The following PRKCE variants were observed in gnomAD, a reference collection of about 807,000 sequenced individuals.
PRKCE encodes protein kinase C epsilon type.
Under a neutral mutation model 85.4 loss-of-function variants are expected in PRKCE, and 16 were observed. The observed-to-expected ratio is 0.19, with a 90% CI of 0.13 to 0.28. The LOEUF (loss-of-function observed/expected upper bound fraction) is 0.28, where lower values mean the gene tolerates loss of function less well. Among genes scored for constraint, PRKCE ranks in the 10% least tolerant of loss-of-function variants. The pLI is 1.00. For missense variants in PRKCE, 573 were observed against 975.2 expected (o/e 0.59, Z 5.49); for synonymous variants, 388 against 371.5 (o/e 1.04, Z -0.51).
rs189049856 is a variant in PRKCE at position 46,119,078 on chromosome 2, G to A, written c.1593-26015G>A. On this transcript the variant is annotated intron_variant, in intron 11 of 14. Transcript: ENST00000306156. ...CTCCTTGGAACCATGGAGTCAACAC[G>A]ATAAAATTAGCAGAGCTAAGTAGGC... 2.6e-4 allele frequency among the ~76,000 whole-genome samples: 39 copies of A among 152,270 alleles called. No individual in the cohort carries two copies. The East Asian group carries it at 5.2e-3, about 20-fold the overall frequency.
chr2:45,766,871 C>G (rs6724210), intron 1 of PRKCE, among the ~76,000 whole-genome samples: 1 of 151,878 alleles, frequency 6.6e-6, no homozygotes, highest in African/African-American at 2.4e-5. Context: ...GAAACCCCAT[C>G]TCTACTAAAA....
chr2:46,001,311 A>T lies in PRKCE; in HGVS notation c.824-93A>T, dbSNP rs1028975048. 3 of 1,168,004 alleles carry T rather than the reference A, an allele frequency of 2.6e-6. No individual in the cohort carries two copies. The highest frequency in any genetic ancestry group is 3.4e-6 in the Non-Finnish European group (3 of 877,110). 72.4% of individuals were successfully genotyped at this position (1,168,004 alleles called of 1,614,324 possible). ...AAATTATATCTTAAATGAACATGTA[A>T]TACTTCATGAACATATAATACAATC... On this transcript the variant is annotated intron_variant, in intron 6 of 14. Transcript: ENST00000306156. The surrounding 1 kb of genome is among the most constrained non-coding windows in gnomAD (Gnocchi z 4.4).
chr2:45,938,755 A>G (rs916479368), intron 2 of PRKCE, among the ~76,000 whole-genome samples: 2 of 152,200 alleles, frequency 1.3e-5, no homozygotes, highest in African/African-American at 4.8e-5. Context: ...GCTTAAATTG[A>G]GAAAGCTTAT....
chr2:45,707,542 G>A (rs1313678038), intron 1 of PRKCE, among the ~76,000 whole-genome samples: 2 of 152,208 alleles, frequency 1.3e-5, no homozygotes, highest in Admixed American at 6.5e-5. Flanking sequence ...AAGCAGACTC[G>A]AAGCTGGTCC....
At chr2:45,902,922 T>G (rs1266311468) in intron 2 of PRKCE, among the ~76,000 whole-genome samples, 1 of 152,202 alleles carries the variant, frequency 6.6e-6, no homozygotes, top group East Asian at 1.9e-4. Context: ...ACTCAGGCCT[T>G]TGTATGCTGA....
chr2:45,874,623 T>C (rs758741395), intron 2 of PRKCE, among the ~76,000 whole-genome samples: 8 of 152,174 alleles, frequency 5.3e-5, no homozygotes, highest in Admixed American at 2.0e-4. Flanking sequence ...GTGTCAAATA[T>C]CCAGCTCAGG....
At chr2:45,997,350 G>C (rs896699007) in intron 6 of PRKCE, among the ~76,000 whole-genome samples, 1 of 151,570 alleles carries the variant, frequency 6.6e-6, no homozygotes, top group African/African-American at 2.4e-5. Context: ...CTTTTCTCCT[G>C]CTTACTTTGG....
At chr2:46,169,020 C>T (rs1678623601) in intron 14 of PRKCE, among the ~76,000 whole-genome samples, 1 of 152,212 alleles carries the variant, frequency 6.6e-6, no homozygotes, top group Non-Finnish European at 1.5e-5. Context: ...CCTCAACCCT[C>T]CCTCACAGAG....
At chr2:45,734,474 C>CG (rs1328311003) in intron 1 of PRKCE, among the ~76,000 whole-genome samples, 5 of 151,934 alleles carry the variant, frequency 3.3e-5, no homozygotes, top group East Asian at 1.9e-4. Context: ...TCCATGTAAA[C>CG]GGGGGGGTTG....
rs1699029254 is a variant in PRKCE at position 45,931,325 on chromosome 2, C to T, written c.413-45104C>T. 1.3e-5 allele frequency among the ~76,000 whole-genome samples: 2 copies of T among 152,206 alleles called. 1 individual carries two copies. The highest frequency in any genetic ancestry group is 4.1e-4 in the South Asian group (2 of 4,834). On this transcript the variant is annotated intron_variant, in intron 2 of 14. Coordinates refer to ENST00000306156, the MANE Select transcript of PRKCE (RefSeq NM_005400.3). ...ATGCTAGAGAAACCATCCCAGAGTT[C>T]CTGCTTTCAGGGAGCTTATAGTTAA...
intron 2 of PRKCE, among the ~76,000 whole-genome samples, chr2:45,936,440 G>A (rs1248885685): frequency 6.6e-6 from 1 of 152,228 alleles, no homozygotes; most frequent in Non-Finnish European, 1.5e-5. Flanking sequence ...CACTGGCTTG[G>A]TGGCCGTGGG....
chr2:45,652,308 G>C lies in PRKCE; in HGVS notation c.208G>C (p.Val70Leu), dbSNP rs1393882807. 1.9e-6 allele frequency: 3 copies of C among 1,613,670 alleles called. No individual in the cohort carries two copies. The highest frequency in any genetic ancestry group is 1.7e-6 in the Non-Finnish European group (2 of 1,180,010). Residue 70 changes from valine (V) to leucine (L), a missense_variant, in exon 1 of 15, where the codon GTC (valine) becomes CTC (leucine). By Grantham distance (32) the Val-to-Leu change is conservative. Transcript: ENST00000306156. The surrounding 1 kb of genome is among the most constrained non-coding windows in gnomAD (Gnocchi z 7.7). ...TNSPAWHDEF[V>L]TDVCNGRKIE... is the part of the protein sequence containing the mutation. Reference sequence around the variant, plus strand: ...CAGCCCGGCCTGGCACGACGAGTTCGTCACCGATGTGTGCAACGGACGCAA... The same window carrying C: ...CAGCCCGGCCTGGCACGACGAGTTCCTCACCGATGTGTGCAACGGACGCAA...
intron 1 of PRKCE, among the ~76,000 whole-genome samples, chr2:45,798,987 G>A (rs1687649927): frequency 6.6e-6 from 1 of 151,908 alleles, no homozygotes; most frequent in African/African-American, 2.4e-5. Context: ...CTAACATGGT[G>A]AAACCCCGTC....
At chr2:45,816,452 G>T (rs556641001) in intron 1 of PRKCE, among the ~76,000 whole-genome samples, 3 of 152,290 alleles carry the variant, frequency 2.0e-5, no homozygotes, top group South Asian at 4.1e-4. Context: ...CAGTGCAGGG[G>T]TGGATAACTT....
chr2:45,944,481 A>G (rs968626067), intron 2 of PRKCE, among the ~76,000 whole-genome samples: 6 of 151,834 alleles, frequency 4.0e-5, no homozygotes, highest in African/African-American at 1.5e-4. Flanking sequence ...TTCGTCCTCA[A>G]TTTATTTTTA....
chr2:46,143,218 A>G (rs1165026231), intron 11 of PRKCE, among the ~76,000 whole-genome samples: 3 of 152,164 alleles, frequency 2.0e-5, no homozygotes, highest in Admixed American at 1.3e-4. Context: ...TGGATCATGA[A>G]CTGGGAGGTG....
chr2:45,744,457 C>CTT (rs1369918001), intron 1 of PRKCE, among the ~76,000 whole-genome samples: 1 of 57,882 alleles, frequency 1.7e-5, no homozygotes, highest in African/African-American at 7.7e-5. Flanking sequence ...TTCTTTCTTT[C>CTT]TTTCTTTCTT....
chr2:45,671,475 T>A, intron 1 of PRKCE, among the ~76,000 whole-genome samples: 1 of 152,196 alleles, frequency 6.6e-6, no homozygotes, highest in East Asian at 1.9e-4. Flanking sequence ...TTAATACCAT[T>A]ATCCATTTAT....
chr2:46,125,910 G>A (rs1673801277), intron 11 of PRKCE, among the ~76,000 whole-genome samples: 1 of 152,210 alleles, frequency 6.6e-6, no homozygotes, highest in Non-Finnish European at 1.5e-5. Flanking sequence ...TCTGAGTGAA[G>A]TACCTGTTTA....
Sources: allele counts gnomAD v4.1 joint callset (sites outside exome capture counted in the v4.1 genomes callset), GRCh38; gene constraint gnomAD v4.1.1; non-coding constraint Gnocchi (gnomAD v3.1); transcripts MANE v1.5; gene names NCBI Gene and HGNC (gene_info 2026-07-23, HGNC 2026-07-21).